Variants in SGCZ observed in about 807,000 individuals in gnomAD.
The protein encoded by SGCZ is sarcoglycan zeta.
SGCZ carries 40 observed loss-of-function variants against 41.3 expected under a neutral mutation model. The ratio of observed to expected loss-of-function variants is 0.97; its 90% CI spans 0.75 to 1.26. SGCZ has a LOEUF of 1.26. SGCZ is among the 50% of genes most tolerant of loss of function. The pLI is 0.00. For synonymous variants in SGCZ, 206 were observed against 137.5 expected, an observed-to-expected ratio of 1.50 and a Z score of -3.49; for missense variants, 552 against 369.8, an observed-to-expected ratio of 1.49 and a Z score of -4.04.
chr8:15,067,739 A>C (rs933678741), intron 1 of SGCZ, among the ~76,000 whole-genome samples: 1 of 152,150 alleles, frequency 6.6e-6, no homozygotes, highest in Non-Finnish European at 1.5e-5. Flanking sequence ...ATAAATATCT[A>C]TTAGCTGCCT....
intron 2 of SGCZ, among the ~76,000 whole-genome samples, chr8:14,393,065 G>T (rs1028334752): frequency 6.6e-6 from 1 of 151,958 alleles, no homozygotes; most frequent in Non-Finnish European, 1.5e-5. Flanking sequence ...CCATATGAAA[G>T]GCACGTATAA....
At chr8:14,431,600 G>A (rs1370538444) in intron 2 of SGCZ, among the ~76,000 whole-genome samples, 1 of 152,090 alleles carries the variant, frequency 6.6e-6, no homozygotes, top group Non-Finnish European at 1.5e-5. Context: ...AAAGACATCA[G>A]AGAAACTCTT....
intron 2 of SGCZ, among the ~76,000 whole-genome samples, chr8:14,394,227 T>G (rs1015983595): frequency 2.0e-5 from 3 of 146,430 alleles, no homozygotes; most frequent in Admixed American, 7.2e-5. Context: ...CTCGGCTCAC[T>G]GCAACCTCTG....
At chr8:15,099,531 T>C (rs1429044128) in intron 1 of SGCZ, among the ~76,000 whole-genome samples, 1 of 152,190 alleles carries the variant, frequency 6.6e-6, no homozygotes, top group Non-Finnish European at 1.5e-5. Flanking sequence ...ATGAAACATT[T>C]GATGAAGAAA....
intron 1 of SGCZ, among the ~76,000 whole-genome samples, chr8:15,100,791 T>G (rs898017449): frequency 1.3e-5 from 2 of 152,114 alleles, no homozygotes; most frequent in African/African-American, 4.8e-5. Context: ...AAGTCCGGCC[T>G]GGGCAATGAA....
chr8:14,144,073 C>G (rs1264987044), intron 5 of SGCZ, among the ~76,000 whole-genome samples: 2 of 152,104 alleles, frequency 1.3e-5, no homozygotes, highest in Admixed American at 6.5e-5. Context: ...CTTGCCAACT[C>G]TTGGCAAGTC....
At chr8:14,655,190 TGTAA>T (rs1563181998) in intron 1 of SGCZ, among the ~76,000 whole-genome samples, 1 of 152,136 alleles carries the variant, frequency 6.6e-6, no homozygotes, top group African/African-American at 2.4e-5. Flanking sequence ...GGGTATGAAC[TGTAA>T]GTTATTCTTA....
At chr8:14,721,370 T>G (rs1157548501) in intron 1 of SGCZ, among the ~76,000 whole-genome samples, 1 of 152,178 alleles carries the variant, frequency 6.6e-6, no homozygotes, top group Non-Finnish European at 1.5e-5. Context: ...TCAATCTAGA[T>G]ATCCAAAAGA....
intron 5 of SGCZ, among the ~76,000 whole-genome samples, chr8:14,129,852 T>C (rs1285607767): frequency 2.0e-5 from 3 of 152,102 alleles, no homozygotes; most frequent in Non-Finnish European, 4.4e-5. Flanking sequence ...CAGAAGTAAC[T>C]GGAAACACAT....
chr8:14,985,541 A>C (rs1488616216), intron 1 of SGCZ, among the ~76,000 whole-genome samples: 1 of 152,160 alleles, frequency 6.6e-6, no homozygotes, highest in Non-Finnish European at 1.5e-5. Flanking sequence ...CAGTGCCTTG[A>C]ATTAGAATTC....
intron 1 of SGCZ, among the ~76,000 whole-genome samples, chr8:14,758,796 G>A (rs1563250394): frequency 6.6e-6 from 1 of 152,070 alleles, no homozygotes; most frequent in Admixed American, 6.6e-5. Flanking sequence ...ATCACCTGAG[G>A]TCAGGAGTTC....
At chr8:14,482,007 G>C (rs992066601) in intron 2 of SGCZ, among the ~76,000 whole-genome samples, 4 of 152,160 alleles carry the variant, frequency 2.6e-5, no homozygotes, top group Non-Finnish European at 1.5e-5. Flanking sequence ...CCCAGACAGA[G>C]CTTGGAGAAA....
chr8:14,211,605 G>A (rs1563188253), intron 4 of SGCZ, among the ~76,000 whole-genome samples: 1 of 152,016 alleles, frequency 6.6e-6, no homozygotes, highest in African/African-American at 2.4e-5. Flanking sequence ...TAAAATCATG[G>A]CAGGAGCTGA....
Position 15,195,383 on chromosome 8 carries a change from C to T in SGCZ, c.39+42202G>A, listed in dbSNP as rs191507257. ...TGTCTGAACACTCTCCTTCCCACTG[C>T]CAAATGCTTGCTGCTGGCTCTGTTG... On this transcript the variant is annotated intron_variant, in intron 1 of 7. Coordinates refer to ENST00000382080, the MANE Select transcript of SGCZ (RefSeq NM_139167.4). Among the ~76,000 whole-genome samples, 11 of 152,262 alleles carry T rather than the reference C, an allele frequency of 7.2e-5. No individual in the cohort carries two copies. In the East Asian group the frequency reaches 2.1e-3, roughly 29 times the overall value.
At chr8:14,371,503 A>C (rs568909042) in intron 2 of SGCZ, among the ~76,000 whole-genome samples, 14 of 150,340 alleles carry the variant, frequency 9.3e-5, no homozygotes, top group South Asian at 2.1e-4. Flanking sequence ...TTTTATCCTA[A>C]ATTTCGTATG....
At chr8:14,154,189 T>C (rs1362794806) in intron 5 of SGCZ, among the ~76,000 whole-genome samples, 1 of 151,854 alleles carries the variant, frequency 6.6e-6, no homozygotes, top group African/African-American at 2.4e-5. Context: ...GCTAACACGC[T>C]GAAACCCTGT....
At chr8:14,488,404 A>C (rs1231157273) in intron 2 of SGCZ, among the ~76,000 whole-genome samples, 1 of 145,082 alleles carries the variant, frequency 6.9e-6, no homozygotes, top group Non-Finnish European at 1.5e-5. Context: ...ACTCCCCTCC[A>C]GCTAGACAAA....
intron 2 of SGCZ, among the ~76,000 whole-genome samples, chr8:14,481,306 G>C (rs1032236342): frequency 6.6e-6 from 1 of 152,170 alleles, no homozygotes; most frequent in South Asian, 2.1e-4. Context: ...TGTCAGAAAA[G>C]TTATAGAACA....
intron 1 of SGCZ, among the ~76,000 whole-genome samples, chr8:14,974,756 A>G (rs1801409346): frequency 6.6e-6 from 1 of 152,248 alleles, no homozygotes; most frequent in Non-Finnish European, 1.5e-5. Context: ...CCTTTTGTGA[A>G]CTATAGTCCA....
Sources: allele counts gnomAD v4.1 joint callset (sites outside exome capture counted in the v4.1 genomes callset), GRCh38; gene constraint gnomAD v4.1.1; transcripts MANE v1.5; gene names NCBI Gene and HGNC (gene_info 2026-07-23, HGNC 2026-07-21).